Variants in DST observed in about 807,000 individuals in gnomAD.
DST encodes bullous pemphigoid antigen.
DST carries 253 observed loss-of-function variants against 875.2 expected under a neutral mutation model. That is an observed-to-expected ratio of 0.29 (90% CI 0.26 to 0.32). The LOEUF is 0.32. DST is among the 10% of genes least tolerant of loss of function. The pLI, the probability that DST is intolerant of heterozygous loss-of-function variation, is 1.00. For synonymous variants in DST, 3,124 were observed against 3,197.1 expected, an observed-to-expected ratio of 0.98 and a Z score of 0.77; for missense variants, 8,287 against 9,111.6, an observed-to-expected ratio of 0.91 and a Z score of 3.68.
chr6:56,914,290 C>A (rs1429379632), intron 2 of DST, among the ~76,000 whole-genome samples: 2 of 152,162 alleles, frequency 1.3e-5, no homozygotes, highest in Non-Finnish European at 2.9e-5. Flanking sequence ...AGAAATTACA[C>A]TATATTCAAA....
At chr6:56,501,259 TC>T (rs2096111931) in intron 79 of DST, 24 bp from the exon 80 acceptor site, 1 of 1,559,998 alleles carries the variant, frequency 6.4e-7, no homozygotes, top group Admixed American at 2.2e-5. Flanking sequence ...GGAAAGAAAA[TC>T]CATTTATAAA....
chr6:56,813,563 A>C (rs1222728256), intron 4 of DST, among the ~76,000 whole-genome samples: 1 of 152,144 alleles, frequency 6.6e-6, no homozygotes, highest in Non-Finnish European at 1.5e-5. Context: ...TTATTCCTTT[A>C]CAATACAAAT....
Position 56,552,683 on chromosome 6 carries a change from A to G in DST, c.16109T>C (p.Val5370Ala). 3.1e-6 allele frequency: 5 copies of G among 1,613,686 alleles called. No homozygotes were observed. Among genetic ancestry groups the G allele is most frequent in the Middle Eastern group, 1.6e-4 (1 of 6,062 alleles). Reference protein sequence around the residue: ...AQEHSTLSQQVDEKCSFLETK... With the variant: ...AQEHSTLSQQADEKCSFLETK... ...TTCTAAGAAAGAACACTTTTCATCA[A>G]CCTGCTGACTTAGTGTACTATGCTC... The change falls in exon 61 of 104, where the codon GTT becomes GCT. Residue 5370 changes from valine (V) to alanine (A), a missense_variant. By Grantham distance (64) the Val-to-Ala change is moderately conservative. Coordinates refer to ENST00000680361, the MANE Select transcript of DST (RefSeq NM_001374736.1).
Position 56,552,489 on chromosome 6 carries a change from G to C in DST, c.16303C>G (p.Leu5435Val). 6.2e-7 allele frequency: 1 copy of C among 1,613,838 alleles called. No individual in the cohort carries two copies. The highest frequency in any genetic ancestry group is 1.1e-5 in the South Asian group (1 of 91,068). ...IKAFLKKLEA[L>V]MASNDNANKT... ...TTGGCATTGTCATTGCTTGCCATGA[G>C]GGCTTCTAGTTTCTTTAGAAAGGCT... is the stretch of plus-strand genomic sequence containing the variant. The change falls in exon 61 of 104, where the codon CTC (leucine) becomes GTC (valine). Residue 5435 changes from leucine (L) to valine (V), a missense_variant. Leu to Val is a conservative substitution (Grantham distance 32). Transcript: ENST00000680361.
intron 4 of DST, among the ~76,000 whole-genome samples, chr6:56,811,301 GA>G (rs2099759707): frequency 6.6e-6 from 1 of 151,770 alleles, no homozygotes; most frequent in African/African-American, 2.4e-5. Context: ...AGTAAGCCAG[GA>G]AAGTCTCTCA....
intron 17 of DST, among the ~76,000 whole-genome samples, chr6:56,641,312 C>A (rs2152779302): frequency 6.6e-6 from 1 of 152,184 alleles, no homozygotes; most frequent in South Asian, 2.1e-4. Context: ...TTTGGCCAGG[C>A]ATGGTGGCTC....
intron 23 of DST, 35 bp from the exon 24 acceptor site, chr6:56,635,749 T>C: frequency 1.2e-6 from 2 of 1,610,824 alleles, no homozygotes; most frequent in South Asian, 2.2e-5. Context: ...TTAAAGTATG[T>C]TAAATACCAG....
chr6:56,919,619 T>C (rs1366360208), intron 2 of DST, among the ~76,000 whole-genome samples: 1 of 152,214 alleles, frequency 6.6e-6, no homozygotes, highest in Non-Finnish European at 1.5e-5. Context: ...AATGCCCATC[T>C]TTATTATTTA....
At chr6:56,584,254 C>A (rs2098093574) in intron 49 of DST, among the ~76,000 whole-genome samples, 2 of 151,694 alleles carry the variant, frequency 1.3e-5, no homozygotes, top group African/African-American at 4.9e-5. Flanking sequence ...TTGTTTGTAT[C>A]CTCTTTTATT....
chr6:56,748,242 GTA>G (rs2099578045), intron 4 of DST, among the ~76,000 whole-genome samples: 2 of 152,186 alleles, frequency 1.3e-5, no homozygotes, highest in South Asian at 4.1e-4. Context: ...TGTATACCCT[GTA>G]TATGGCTTCA....
intron 63 of DST, among the ~76,000 whole-genome samples, 154 bp downstream of exon 63, chr6:56,534,968 T>C (rs1001691782): frequency 6.6e-6 from 1 of 152,228 alleles, no homozygotes. Flanking sequence ...AGATGTTCAA[T>C]AAATATTTGT....
intron 4 of DST, among the ~76,000 whole-genome samples, chr6:56,786,136 ATGAG>A (rs1194329822): frequency 6.6e-6 from 1 of 152,166 alleles, no homozygotes; most frequent in African/African-American, 2.4e-5. Flanking sequence ...GTGTGCATAT[ATGAG>A]TGTGTGTCTT....
chr6:56,603,454 T>C, intron 41 of DST, 34 bp from the exon 42 acceptor site: 4 of 1,600,424 alleles, frequency 2.5e-6, no homozygotes, highest in Non-Finnish European at 3.4e-6. Flanking sequence ...CTATTTACTA[T>C]TTAGTGAAAA....
intron 9 of DST, among the ~76,000 whole-genome samples, chr6:56,675,791 G>A (rs2152835051): frequency 6.6e-6 from 1 of 152,240 alleles, no homozygotes; most frequent in South Asian, 2.1e-4. Context: ...GGCGGAGGTT[G>A]CAGTGAGCTG....
chr6:56,528,904 G>A lies in DST; in HGVS notation c.17617C>T (p.Leu5873Phe). 1 of 1,585,362 alleles carries A rather than the reference G, an allele frequency of 6.3e-7. No homozygotes were observed. Among genetic ancestry groups the A allele is most frequent in the Admixed American group, 1.8e-5 (1 of 55,858 alleles). ...GCCTGATCTACATTTTGTTTCCTGA[G>A]TAAGATGTCCTCTTGCAGAACCTGA... ...ELRVLQEDIL[L>F]RKQNVDQALL... The change falls in exon 67 of 104, where the codon CTC becomes TTC. Residue 5873 changes from leucine to phenylalanine, a missense_variant. By Grantham distance (22) the Leu-to-Phe change is conservative (BLOSUM62 0). Coordinates refer to ENST00000680361, the MANE Select transcript of DST (RefSeq NM_001374736.1).
rs747370186 is a variant in DST, at chr6:56,616,708, A to AC, written c.4930-2225dup. On this transcript the variant is annotated intron_variant, in intron 36 of 103. Coordinates refer to ENST00000680361, the MANE Select transcript of DST (RefSeq NM_001374736.1). ...GAATGCCTCTCACAGGGTCAATGAC[A>AC]CCCCCACTGGCAATCTGGGCTTCCA... The AC allele has an allele frequency of 1.9e-6, 3 of 1,613,912 alleles. No homozygotes were observed. Among genetic ancestry groups the AC allele is most frequent in the Non-Finnish European group, 2.5e-6 (3 of 1,179,980 alleles).
intron 5 of DST, among the ~76,000 whole-genome samples, chr6:56,712,090 C>CAAAAAAAAAAAAAAAAAAAAAAA (rs34769867): frequency 1.8e-3 from 134 of 75,928 alleles, no homozygotes; most frequent in Middle Eastern, 0.011. Context: ...GACTCCGTCT[C>CAAAAAAAAAAAAAAAAAAAAAAA]AAAAAAAAAA....
At chr6:56,842,805 T>C (rs2099801902) in intron 4 of DST, among the ~76,000 whole-genome samples, 1 of 152,126 alleles carries the variant, frequency 6.6e-6, no homozygotes, top group Non-Finnish European at 1.5e-5. Context: ...CGCAATGTGC[T>C]TCTTGGAAAC....
intron 61 of DST, among the ~76,000 whole-genome samples, chr6:56,537,900 A>G (rs778287809): frequency 3.9e-5 from 6 of 152,232 alleles, no homozygotes; most frequent in Admixed American, 6.5e-5. Flanking sequence ...TGCCAAATTA[A>G]TATCAGTATA....
Sources: gnomAD v4.1 joint callset for allele counts (sites outside exome capture counted in the v4.1 genomes callset) on GRCh38, gnomAD v4.1.1 for gene constraint, MANE v1.5 for transcripts, NCBI Gene and HGNC (gene_info 2026-07-23, HGNC 2026-07-21) for gene names.